ANO3: variants seen among roughly 807,000 people sequenced by gnomAD.
The protein encoded by ANO3 is anoctamin-3.
Under a neutral mutation model 144.8 loss-of-function variants are expected in ANO3, and 99 were observed. The ratio of observed to expected loss-of-function variants is 0.68; its 90% CI spans 0.58 to 0.81. The LOEUF (loss-of-function observed/expected upper bound fraction) is 0.81, where lower values mean the gene tolerates loss of function less well. ANO3 is among the 30% of genes least tolerant of loss of function. The probability of loss-of-function intolerance (pLI) is 0.00; values close to 1 mark genes in which losing one functional copy is unlikely to be tolerated. For synonymous variants in ANO3, 414 were observed against 392.6 expected (o/e 1.05, Z -0.64); for missense variants, 905 against 1,202.2 (o/e 0.75, Z 3.66).
chr11:26,463,712 C>T (rs934390488), intron 4 of ANO3, among the ~76,000 whole-genome samples: 2 of 151,864 alleles, frequency 1.3e-5, no homozygotes, highest in Non-Finnish European at 2.9e-5. Flanking sequence ...TTTAGAAACT[C>T]CTGGCTCCAA....
intron 1 of ANO3, among the ~76,000 whole-genome samples, chr11:26,246,527 G>C (rs1852798934): frequency 6.7e-6 from 1 of 149,624 alleles, no homozygotes; most frequent in South Asian, 2.1e-4. Flanking sequence ...AAGGCTATCT[G>C]TAAGTTTTCA....
rs1187564855 is a variant in ANO3, at chr11:26,634,331, G to A, written c.1985+16G>A. 2.0e-6 allele frequency: 3 copies of A among 1,485,540 alleles called. No homozygotes were observed. Among genetic ancestry groups the A allele is most frequent in the Non-Finnish European group, 2.8e-6 (3 of 1,063,678 alleles). The allele number at this position is 1,485,540 out of a possible 1,614,324, so 92.0% of individuals were successfully genotyped here. On this transcript the variant is annotated intron_variant, in intron 19 of 26. Coordinates refer to ENST00000256737, the MANE Select transcript of ANO3 (RefSeq NM_031418.4). ...TTTTGGGAAGGTAAGTCAACTTTTTGTACATTATCTTCGCAGAGTGAAAAA... is the reference window on the plus strand; with the variant it reads ...TTTTGGGAAGGTAAGTCAACTTTTTATACATTATCTTCGCAGAGTGAAAAA...
chr11:26,641,818 AT>A, intron 21 of ANO3, 77 bp from the exon 22 acceptor site: 2 of 1,366,918 alleles, frequency 1.5e-6, no homozygotes, highest in Non-Finnish European at 1.9e-6. Flanking sequence ...GGTTTTACTC[AT>A]TTCTTAATTC....
At chr11:26,464,017 C>T (rs1590383213) in intron 4 of ANO3, among the ~76,000 whole-genome samples, 2 of 151,660 alleles carry the variant, frequency 1.3e-5, no homozygotes, top group East Asian at 3.9e-4. Context: ...CACTGCATGG[C>T]TAATAATCAC....
intron 17 of ANO3, among the ~76,000 whole-genome samples, chr11:26,606,506 T>G (rs1372942991): frequency 2.0e-5 from 3 of 152,198 alleles, no homozygotes; most frequent in Non-Finnish European, 4.4e-5. Context: ...CTCATTGATC[T>G]ATCTAATATT....
intron 4 of ANO3, among the ~76,000 whole-genome samples, chr11:26,501,750 G>A (rs1051588692): frequency 6.6e-6 from 1 of 152,120 alleles, no homozygotes; most frequent in Non-Finnish European, 1.5e-5. Context: ...AATGTAAGTC[G>A]AATGGAAAAC....
intron 1 of ANO3, among the ~76,000 whole-genome samples, chr11:26,312,452 G>A (rs1854521754): frequency 1.3e-5 from 2 of 152,156 alleles, no homozygotes; most frequent in African/African-American, 4.8e-5. Context: ...CTAGTTTACA[G>A]TCCCACCAAC....
intron 4 of ANO3, among the ~76,000 whole-genome samples, chr11:26,490,776 A>G (rs868507890): frequency 6.6e-6 from 1 of 152,186 alleles, no homozygotes; most frequent in South Asian, 2.1e-4. Context: ...TTCACGCTTT[A>G]AGTTTAATTT....
intron 1 of ANO3, among the ~76,000 whole-genome samples, chr11:26,191,503 A>G (rs746096422): frequency 2.0e-5 from 3 of 152,070 alleles, no homozygotes; most frequent in Non-Finnish European, 4.4e-5. Flanking sequence ...CTGCCCATGG[A>G]TGGCTAGGAA....
Position 26,568,420 on chromosome 11 carries a change from A to G in ANO3, c.1447+8641A>G, listed in dbSNP as rs531453246. Among the ~76,000 whole-genome samples the G allele has an allele frequency of 8.5e-5, 13 of 152,084 alleles. 1 individual carries two copies. The highest frequency in any genetic ancestry group is 3.1e-4 in the African/African-American group (13 of 41,532). On this transcript the variant is annotated intron_variant, in intron 14 of 26. Transcript: ENST00000256737. ...TTCATGTTTGTAACATAAGTTGCAA[A>G]GGAATATAGAATTTGGTACACAGCT...
intron 10 of ANO3, among the ~76,000 whole-genome samples, chr11:26,539,496 G>C (rs899301430): frequency 6.6e-6 from 1 of 152,086 alleles, no homozygotes; most frequent in Non-Finnish European, 1.5e-5. Context: ...TAATCTTTGG[G>C]CTTTAAACAC....
At chr11:26,581,346 TAC>T (rs1851124657) in intron 14 of ANO3, among the ~76,000 whole-genome samples, 1 of 145,692 alleles carries the variant, frequency 6.9e-6, no homozygotes, top group African/African-American at 2.5e-5. Flanking sequence ...ATGATGAACA[TAC>T]ATAAGTTTAG....
At chr11:26,428,614 A>C (rs1212322393) in intron 1 of ANO3, among the ~76,000 whole-genome samples, 1 of 152,174 alleles carries the variant, frequency 6.6e-6, no homozygotes, top group Non-Finnish European at 1.5e-5. Context: ...CTCAGAGGAT[A>C]TTGCAACCTT....
upstream of ANO3, among the ~76,000 whole-genome samples, chr11:26,329,295 TACACACACACACAC>T (rs201501181): frequency 3.4e-5 from 5 of 145,012 alleles, no homozygotes; most frequent in East Asian, 8.4e-4. Flanking sequence ...TTTCTTTCTT[TACACACACACACAC>T]ACACACACAC....
chr11:26,472,222 T>C (rs1409434406), intron 4 of ANO3, among the ~76,000 whole-genome samples: 1 of 151,894 alleles, frequency 6.6e-6, no homozygotes, highest in Non-Finnish European at 1.5e-5. Context: ...ATACTGAAAG[T>C]CAAATCTACC....
chr11:26,425,038 C>G (rs533758571), intron 1 of ANO3, among the ~76,000 whole-genome samples: 15 of 151,886 alleles, frequency 9.9e-5, no homozygotes, highest in African/African-American at 2.4e-4. Flanking sequence ...CCCTCCCCCC[C>G]ACCCCACAAG....
At chr11:26,615,508 G>A (rs116321010) in intron 17 of ANO3, among the ~76,000 whole-genome samples, 1,961 of 151,076 alleles carry the variant, frequency 0.013, 47 homozygotes, top group African/African-American at 0.045. Context: ...CCTGTGTAAC[G>A]CTGGTCATAC....
At chr11:26,594,882 T>C (rs1321412858) in intron 14 of ANO3, among the ~76,000 whole-genome samples, 1 of 152,188 alleles carries the variant, frequency 6.6e-6, no homozygotes, top group African/African-American at 2.4e-5. Flanking sequence ...TAATATATAC[T>C]TCCCTCAGGG....
chr11:26,360,522 AGTTTATTC>A (rs1855898465), intron 1 of ANO3, among the ~76,000 whole-genome samples: 1 of 152,130 alleles, frequency 6.6e-6, no homozygotes, highest in African/African-American at 2.4e-5. Flanking sequence ...AATCCGACTT[AGTTTATTC>A]CTGTGCCTCA....
Sources: gnomAD v4.1 joint callset for allele counts (sites outside exome capture counted in the v4.1 genomes callset) on GRCh38, gnomAD v4.1.1 for gene constraint, MANE v1.5 for transcripts, NCBI Gene and HGNC (gene_info 2026-07-23, HGNC 2026-07-21) for gene names.